WNK2: variants seen among roughly 807,000 people sequenced by gnomAD.
The protein encoded by WNK2 is serine/threonine-protein kinase WNK2.
WNK2 carries 67 observed loss-of-function variants against 192.1 expected under a neutral mutation model. The observed-to-expected ratio is 0.35, with a 90% CI of 0.29 to 0.43. The LOEUF (loss-of-function observed/expected upper bound fraction) is 0.43, where lower values mean the gene tolerates loss of function less well. Ranked by LOEUF, WNK2 falls within the 20% of genes least tolerant of loss-of-function variation. The probability of loss-of-function intolerance (pLI) is 1.00; values close to 1 mark genes in which losing one functional copy is unlikely to be tolerated. For missense variants in WNK2, 2,698 were observed against 3,089.7 expected, an observed-to-expected ratio of 0.87 and a Z score of 3.01; for synonymous variants, 1,439 against 1,393.9, an observed-to-expected ratio of 1.03 and a Z score of -0.72.
rs933251921 is a variant in WNK2, at chr9:93,215,224, C to G, written c.682-14472C>G. Among the ~76,000 whole-genome samples the G allele has an allele frequency of 1.5e-4, 23 of 152,202 alleles. No individual in the cohort carries two copies. In the South Asian group the frequency reaches 4.6e-3, roughly 30 times the overall value. On this transcript the variant is annotated intron_variant, in intron 2 of 29. Transcript: ENST00000427277. The stretch of plus-strand genomic sequence containing the variant: ...GCAAACTCTGCCTCCTGGGTTCAAG[C>G]AATTCTCCCTGACTGTAGCTAAGAT...
chr9:93,292,232 G>T, intron 21 of WNK2, 76 bp from the exon 22 acceptor site: 1 of 1,528,372 alleles, frequency 6.5e-7, no homozygotes. Flanking sequence ...ACTTTGGGCT[G>T]CTTCGGGTCA....
At chr9:93,186,171 C>T (rs1221354324) in intron 2 of WNK2, among the ~76,000 whole-genome samples, 1 of 152,142 alleles carries the variant, frequency 6.6e-6, no homozygotes, top group African/African-American at 2.4e-5. Context: ...AGAGGTGGTG[C>T]CTGGTAGAGC....
intron 24 of WNK2, among the ~76,000 whole-genome samples, chr9:93,298,450 G>A (rs868407712): frequency 1.2e-4 from 18 of 152,210 alleles, no homozygotes; most frequent in African/African-American, 2.7e-4. Flanking sequence ...AGCAGCTGTC[G>A]TTAGGGGCTG....
intron 19 of WNK2, among the ~76,000 whole-genome samples, chr9:93,274,370 G>A (rs895296134): frequency 1.5e-4 from 23 of 152,130 alleles, no homozygotes; most frequent in African/African-American, 5.5e-4. Context: ...AAATTAGCTG[G>A]GCATGGTGGC....
At chr9:93,215,593 C>T (rs1205742130) in intron 2 of WNK2, among the ~76,000 whole-genome samples, 1 of 152,178 alleles carries the variant, frequency 6.6e-6, no homozygotes, top group African/African-American at 2.4e-5. Context: ...ATCCTCTTCT[C>T]ACCTATGTCT....
rs568088429 is a variant in WNK2, at chr9:93,272,930, G to A, written c.4033+4184G>A. ...CAATTAAAAAATGATTATGAGAATG[G>A]ATTAAATTTAAAAACCAAACAACTT... On this transcript the variant is annotated intron_variant, in intron 19 of 29. Coordinates refer to ENST00000427277, the MANE Select transcript of WNK2 (RefSeq NM_006648.4). Among the ~76,000 whole-genome samples, 23 of 152,070 alleles carry A rather than the reference G, an allele frequency of 1.5e-4. No homozygotes were observed. In the South Asian group the frequency reaches 1.7e-3, roughly 11 times the overall value.
chr9:93,251,712 A>G (rs1422560313), intron 8 of WNK2, among the ~76,000 whole-genome samples: 4 of 152,154 alleles, frequency 2.6e-5, no homozygotes, highest in African/African-American at 9.7e-5. Flanking sequence ...TGTCTCAAAA[A>G]AATAAATAAA....
At chr9:93,253,520 C>G (rs1309959124) in intron 9 of WNK2, among the ~76,000 whole-genome samples, 1 of 152,048 alleles carries the variant, frequency 6.6e-6, no homozygotes, top group Non-Finnish European at 1.5e-5. Context: ...CAGACTGTTC[C>G]ATAGATCACA....
chr9:93,218,478 C>G (rs1836185609), intron 2 of WNK2, among the ~76,000 whole-genome samples: 1 of 152,188 alleles, frequency 6.6e-6, no homozygotes, highest in South Asian at 2.1e-4. Flanking sequence ...ATGTGTTCTC[C>G]TGGGGAGGAG....
chr9:93,240,455 T>C (rs112725947), intron 7 of WNK2, among the ~76,000 whole-genome samples: 91 of 152,306 alleles, frequency 6.0e-4, no homozygotes, highest in African/African-American at 1.9e-3. Flanking sequence ...GGGGTACCTT[T>C]CCGCCTCTTC....
intron 27 of WNK2, 75 bp downstream of exon 27, chr9:93,306,896 T>C: frequency 6.2e-7 from 1 of 1,605,438 alleles, no homozygotes; most frequent in Non-Finnish European, 8.5e-7. Flanking sequence ...ACATCAGGGT[T>C]CCCGCGGCCG....
intron 2 of WNK2, among the ~76,000 whole-genome samples, chr9:93,211,650 CCACTCATTCACT>C (rs796806559): frequency 0.018 from 2,732 of 150,436 alleles, 82 homozygotes; most frequent in African/African-American, 0.062. Flanking sequence ...ACTCACCCAC[CCACTCATTCACT>C]CACTCATTCA....
At chr9:93,256,894 G>T in intron 10 of WNK2, 54 bp from the exon 11 acceptor site, 1 of 1,476,752 alleles carries the variant, frequency 6.8e-7, no homozygotes, top group Non-Finnish European at 9.0e-7. Flanking sequence ...CCAGTGGGGT[G>T]CGCTTGTCTG....
At chr9:93,269,215 C>CACCTGT (rs1845681369) in intron 19 of WNK2, among the ~76,000 whole-genome samples, 1 of 151,906 alleles carries the variant, frequency 6.6e-6, no homozygotes, top group Non-Finnish European at 1.5e-5. Context: ...CATTGATCTG[C>CACCTGT]ACCTGCACCT....
At chr9:93,269,003 GGT>G (rs765495930) in intron 19 of WNK2, 100 of 1,485,426 alleles carry the variant, frequency 6.7e-5, no homozygotes, top group Non-Finnish European at 8.5e-5. Context: ...TGGCCATATA[GGT>G]GTGTGTTGAA....
chr9:93,263,892 T>A (rs1436983794), intron 15 of WNK2, 25 bp from the exon 16 acceptor site: 7 of 1,588,464 alleles, frequency 4.4e-6, no homozygotes, highest in Non-Finnish European at 5.1e-6. Context: ...ACGCCCGTGG[T>A]GGGTGCTGAT....
chr9:93,199,668 G>A (rs1831961618), intron 2 of WNK2, among the ~76,000 whole-genome samples: 1 of 152,148 alleles, frequency 6.6e-6, no homozygotes, highest in Admixed American at 6.5e-5. Context: ...GGAGGCCGAG[G>A]CGGGTGGATC....
intron 9 of WNK2, among the ~76,000 whole-genome samples, chr9:93,254,834 A>G (rs915513622): frequency 2.0e-5 from 3 of 152,058 alleles, no homozygotes; most frequent in Admixed American, 6.6e-5. Context: ...AGAAAAGGCT[A>G]CTTGCTGCTC....
chr9:93,280,626 G>A (rs1304524954), intron 19 of WNK2, among the ~76,000 whole-genome samples: 7 of 152,122 alleles, frequency 4.6e-5, no homozygotes, highest in Non-Finnish European at 8.8e-5. Flanking sequence ...CATTTCTTGA[G>A]TTGAAATGTG....
Sources: gnomAD v4.1 joint callset for allele counts (sites outside exome capture counted in the v4.1 genomes callset) on GRCh38, gnomAD v4.1.1 for gene constraint, MANE v1.5 for transcripts, NCBI Gene and HGNC (gene_info 2026-07-23, HGNC 2026-07-21) for gene names.